The following TSPEAR variants were observed in gnomAD, a reference collection of about 807,000 sequenced individuals.
The protein encoded by TSPEAR is thrombospondin-type laminin G domain and EAR repeat-containing protein.
A neutral mutation model predicts 71.6 loss-of-function variants in TSPEAR; 69 were observed. That is an observed-to-expected ratio of 0.96 (90% CI 0.79 to 1.18). The LOEUF (loss-of-function observed/expected upper bound fraction) is 1.18, where lower values mean the gene tolerates loss of function less well. Among genes scored for constraint, TSPEAR ranks in the 50% most tolerant of loss-of-function variants. The pLI, the probability that TSPEAR is intolerant of heterozygous loss-of-function variation, is 0.00. For synonymous variants in TSPEAR, 402 were observed against 387.2 expected (o/e 1.04, Z -0.45); for missense variants, 971 against 894.9 (o/e 1.09, Z -1.09).
chr21:44,628,106 G>A, intron 1 of TSPEAR: 1 of 1,567,218 alleles, frequency 6.4e-7, no homozygotes, highest in African/African-American at 1.3e-5. Flanking sequence ...GCCAGTCCTT[G>A]GACCTCCCAG....
rs149168160 is a variant in TSPEAR, at chr21:44,648,699, C to T, written c.82+62734G>A. On this transcript the variant is annotated intron_variant, in intron 1 of 11. Coordinates refer to ENST00000323084, the MANE Select transcript of TSPEAR (RefSeq NM_144991.3). ...GCCAGCGGGCAGACGCACCCAGGGC[C>T]GCAGCCTCCAGGGCACCAGAGACTT... Among the ~76,000 whole-genome samples, 879 of 152,294 alleles carry T rather than the reference C, an allele frequency of 5.8e-3. 6 individuals carry two copies. Among genetic ancestry groups the T allele is most frequent in the African/African-American group, 0.02 (844 of 41,562 alleles).
At position 44,599,172 on chromosome 21, in the gene TSPEAR, C is replaced by CTCTCTCTCTCTCTCTCTCTCTCT. The variant is rs1372930980; in HGVS notation, c.83-31168_83-31167insAGAGAGAGAGAGAGAGAGAGAGA. The stretch of plus-strand genomic sequence containing the variant: ...TCTCTCTCTCTCTCTCTCTCTCTCT[C>CTCTCTCTCTCTCTCTCTCTCTCT]CTTCCATCCCATAGGACCAGATCCT... On this transcript the variant is annotated intron_variant, in intron 1 of 11. Coordinates refer to ENST00000323084, the MANE Select transcript of TSPEAR (RefSeq NM_144991.3). 1.8e-3 allele frequency among the ~76,000 whole-genome samples: 256 copies of CTCTCTCTCTCTCTCTCTCTCTCT among 145,978 alleles called. 1 individual carries two copies. Among genetic ancestry groups the CTCTCTCTCTCTCTCTCTCTCTCT allele is most frequent in the Middle Eastern group, 3.6e-3 (1 of 278 alleles).
At chr21:44,704,929 G>A (rs1297852868) in intron 1 of TSPEAR, among the ~76,000 whole-genome samples, 2 of 152,056 alleles carry the variant, frequency 1.3e-5, no homozygotes, top group Non-Finnish European at 2.9e-5. Context: ...CCGCCCAGAC[G>A]CACTGACCTG....
At chr21:44,657,474 C>G (rs1466245986) in intron 1 of TSPEAR, among the ~76,000 whole-genome samples, 1 of 152,222 alleles carries the variant, frequency 6.6e-6, no homozygotes, top group Non-Finnish European at 1.5e-5. Flanking sequence ...AAACTAATGA[C>G]ATGCTGTGAT....
At chr21:44,615,073 C>G (rs1555932118) in intron 1 of TSPEAR, among the ~76,000 whole-genome samples, 2 of 152,258 alleles carry the variant, frequency 1.3e-5, no homozygotes, top group Non-Finnish European at 2.9e-5. Flanking sequence ...GGCACCACTG[C>G]TTTGGGAAGA....
chr21:44,507,414 G>A (rs1037793683), intron 10 of TSPEAR, among the ~76,000 whole-genome samples: 1 of 152,242 alleles, frequency 6.6e-6, no homozygotes, highest in East Asian at 1.9e-4. Context: ...ACTTGGTGAG[G>A]CCACATCACG....
chr21:44,594,747 G>A (rs1980244645), intron 1 of TSPEAR, among the ~76,000 whole-genome samples: 1 of 151,966 alleles, frequency 6.6e-6, no homozygotes, highest in Non-Finnish European at 1.5e-5. Context: ...CGGCCTGCAG[G>A]ATGGCTTTCT....
At position 44,702,799 on chromosome 21, in the gene TSPEAR, T is replaced by C. The variant is rs1987721164; in HGVS notation, c.82+8634A>G. ...CTGCTCAGGCCAGAAGCCCAGCTAC[T>C]GACGGGCACGTCCCCCAGGGCCAGC... On this transcript the variant is annotated intron_variant, in intron 1 of 11. Transcript: ENST00000323084. 18 of 1,235,824 alleles carry C rather than the reference T, an allele frequency of 1.5e-5. No individual in the cohort carries two copies. The Admixed American group carries it at 3.2e-4, about 22-fold the overall frequency. The allele number at this position is 1,235,824 out of a possible 1,614,324, so 76.6% of individuals were successfully genotyped here.
intron 7 of TSPEAR, among the ~76,000 whole-genome samples, chr21:44,526,972 T>A (rs1443342970): frequency 6.6e-6 from 1 of 152,160 alleles, no homozygotes; most frequent in Non-Finnish European, 1.5e-5. Flanking sequence ...CTGAAACGAT[T>A]TGTGGGTTCT....
At position 44,509,341 on chromosome 21, in the gene TSPEAR, T is replaced by TCCTCTCCCCGATCTGGAAGAC; in HGVS notation, c.1591_1611dup (p.Val531_Arg537dup). ...TGACTGTTTGCCACAGCGAGGAAGATCCTCTCCCCGATCTGGAAGACCTCC... is the reference window on the plus strand; with the variant it reads ...TGACTGTTTGCCACAGCGAGGAAGATCCTCTCCCCGATCTGGAAGACCCTCTCCCCGATCTGGAAGACCTCC... On this transcript the variant is annotated inframe_insertion, in exon 10 of 12. Transcript: ENST00000323084. 6.2e-7 allele frequency: 1 copy of TCCTCTCCCCGATCTGGAAGAC among 1,613,670 alleles called. No homozygotes were observed. The highest frequency in any genetic ancestry group is 2.2e-5 in the East Asian group (1 of 44,850).
chr21:44,706,158 A>G (rs1475147106), intron 1 of TSPEAR, among the ~76,000 whole-genome samples: 2 of 152,168 alleles, frequency 1.3e-5, no homozygotes, highest in Non-Finnish European at 2.9e-5. Flanking sequence ...GTGCCCACCA[A>G]CCGGCGGCCT....
intron 2 of TSPEAR, chr21:44,539,281 C>T: frequency 6.2e-7 from 1 of 1,603,644 alleles, no homozygotes; most frequent in African/African-American, 1.3e-5. Flanking sequence ...AGCAGCTGGA[C>T]TCCTGGCCTG....
intron 1 of TSPEAR, among the ~76,000 whole-genome samples, chr21:44,651,124 C>T (rs1408812453): frequency 2.0e-5 from 3 of 152,088 alleles, no homozygotes; most frequent in African/African-American, 7.2e-5. Flanking sequence ...GGGGGAGCCA[C>T]AGGGAAAAAG....
intron 1 of TSPEAR, among the ~76,000 whole-genome samples, chr21:44,641,983 C>T (rs1465153955): frequency 6.6e-6 from 1 of 151,982 alleles, no homozygotes; most frequent in African/African-American, 2.4e-5. Context: ...TCCACAGACA[C>T]CCATCAAGGA....
chr21:44,652,708 A>C (rs1281702134), intron 1 of TSPEAR, among the ~76,000 whole-genome samples: 1 of 152,184 alleles, frequency 6.6e-6, no homozygotes, highest in African/African-American at 2.4e-5. Context: ...AATGGCCAAA[A>C]CTGGGATTCT....
rs1037432470 is a variant in TSPEAR at position 44,650,721 on chromosome 21, G to A, written c.82+60712C>T. 6.0e-5 allele frequency among the ~76,000 whole-genome samples: 9 copies of A among 150,102 alleles called. 1 individual carries two copies. The highest frequency in any genetic ancestry group is 1.0e-4 in the Non-Finnish European group (7 of 68,026). On this transcript the variant is annotated intron_variant, in intron 1 of 11. Coordinates refer to ENST00000323084, the MANE Select transcript of TSPEAR (RefSeq NM_144991.3). Reference sequence around the variant, plus strand: ...CACAGCAGCCCCCGGATGTCAACACGCCCTCCAGCTCCAGCCCCCAGTGAG... The same window carrying A: ...CACAGCAGCCCCCGGATGTCAACACACCCTCCAGCTCCAGCCCCCAGTGAG...
chr21:44,651,979 C>CTTTTTT (rs60867977), intron 1 of TSPEAR, among the ~76,000 whole-genome samples: 7 of 124,506 alleles, frequency 5.6e-5, no homozygotes, highest in Non-Finnish European at 8.3e-5. Context: ...ATAAAACTTT[C>CTTTTTT]TTTTTTTTTT....
intron 1 of TSPEAR, chr21:44,580,306 G>T (rs5017210): frequency 1.2e-6 from 2 of 1,607,340 alleles, no homozygotes; most frequent in South Asian, 2.2e-5. Flanking sequence ...TGCAGCAGAC[G>T]GGCACGCAGC....
intron 1 of TSPEAR, among the ~76,000 whole-genome samples, chr21:44,590,879 G>T (rs1479302429): frequency 6.6e-6 from 1 of 152,084 alleles, no homozygotes; most frequent in Non-Finnish European, 1.5e-5. Context: ...GGCCCACGGG[G>T]CTAAGAGGGA....
Sources: gnomAD v4.1 joint callset for allele counts (sites outside exome capture counted in the v4.1 genomes callset) on GRCh38, gnomAD v4.1.1 for gene constraint, MANE v1.5 for transcripts, NCBI Gene and HGNC (gene_info 2026-07-23, HGNC 2026-07-21) for gene names.